Variants in KCNK2 observed in about 807,000 individuals in gnomAD.
KCNK2 encodes the protein potassium channel subfamily K member 2.
A neutral mutation model predicts 40.5 loss-of-function variants in KCNK2; 21 were observed. The ratio of observed to expected loss-of-function variants is 0.52; its 90% CI spans 0.37 to 0.75. The LOEUF is 0.75. Among genes scored for constraint, KCNK2 ranks in the 30% least tolerant of loss-of-function variants. The pLI, the probability that KCNK2 is intolerant of heterozygous loss-of-function variation, is 0.00. For missense variants in KCNK2, 399 were observed against 531.6 expected (o/e 0.75, Z 2.45); for synonymous variants, 191 against 202.2 (o/e 0.94, Z 0.47).
chr1:215,120,912 T>C (rs1224641695), intron 2 of KCNK2, among the ~76,000 whole-genome samples: 1 of 152,224 alleles, frequency 6.6e-6, no homozygotes, highest in Non-Finnish European at 1.5e-5. Flanking sequence ...GTTTTATGTC[T>C]TTTTTTGTTT....
intron 1 of KCNK2, among the ~76,000 whole-genome samples, chr1:215,018,095 A>G (rs1362644733): frequency 6.6e-6 from 1 of 152,196 alleles, no homozygotes; most frequent in Non-Finnish European, 1.5e-5. Flanking sequence ...GCATGTATGT[A>G]ATAATATGTA....
Position 215,095,292 on chromosome 1 carries a change from A to AC in KCNK2, c.357+8618dup, listed in dbSNP as rs1424800044. On this transcript the variant is annotated intron_variant, in intron 2 of 6. Coordinates refer to ENST00000444842, the MANE Select transcript of KCNK2 (RefSeq NM_001017425.3). Reference sequence around the variant, plus strand: ...CACCTTAACCAGATTCTTCCTTATGACCCCATCTCCAGTTCTTTCCTCTTA... The same window carrying AC: ...CACCTTAACCAGATTCTTCCTTATGACCCCCATCTCCAGTTCTTTCCTCTTA... Among the ~76,000 whole-genome samples the AC allele has an allele frequency of 3.3e-5, 5 of 152,162 alleles. No homozygotes were observed. The East Asian group carries it at 9.7e-4, about 29-fold the overall frequency.
chr1:215,233,689 G>C (rs1666765995), intron 6 of KCNK2, among the ~76,000 whole-genome samples: 1 of 152,184 alleles, frequency 6.6e-6, no homozygotes, highest in Non-Finnish European at 1.5e-5. Context: ...AAGCAAACGA[G>C]AGCCTGGGTC....
intron 6 of KCNK2, among the ~76,000 whole-genome samples, chr1:215,209,336 A>C (rs1665473354): frequency 1.0e-5 from 1 of 96,864 alleles, no homozygotes; most frequent in Non-Finnish European, 1.9e-5. Flanking sequence ...ATTTTTATAT[A>C]TATAATATAT....
At chr1:215,092,770 A>T (rs1312222900) in intron 2 of KCNK2, among the ~76,000 whole-genome samples, 1 of 152,212 alleles carries the variant, frequency 6.6e-6, no homozygotes, top group Non-Finnish European at 1.5e-5. Context: ...CACCAAGACC[A>T]GGTGCAAATC....
chr1:215,096,194 AG>A (rs1346978848), intron 2 of KCNK2, among the ~76,000 whole-genome samples: 2 of 151,912 alleles, frequency 1.3e-5, no homozygotes, highest in African/African-American at 2.4e-5. Flanking sequence ...GGATATACCA[AG>A]GTGTGTGTGT....
intron 1 of KCNK2, among the ~76,000 whole-genome samples, chr1:215,057,623 A>G (rs911599908): frequency 1.5e-4 from 23 of 152,120 alleles, no homozygotes; most frequent in Non-Finnish European, 3.2e-4. Flanking sequence ...ATAATAGAAA[A>G]TTCCATATTA....
At chr1:215,083,545 G>T (rs61818297) in intron 1 of KCNK2, 114 bp downstream of exon 1, 1 of 790,220 alleles carries the variant, frequency 1.3e-6, no homozygotes, top group Non-Finnish European at 2.2e-6. Flanking sequence ...TCCCATCTTC[G>T]CTTCGCGTCC....
At chr1:215,070,871 G>C (rs187285367) in intron 1 of KCNK2, among the ~76,000 whole-genome samples, 3 of 152,102 alleles carry the variant, frequency 2.0e-5, no homozygotes, top group Non-Finnish European at 4.4e-5. Context: ...ATGCAATTAC[G>C]ATCAAATGTA....
intron 6 of KCNK2, among the ~76,000 whole-genome samples, chr1:215,209,159 A>G (rs1472129910): frequency 6.8e-6 from 1 of 146,006 alleles, no homozygotes; most frequent in Non-Finnish European, 1.5e-5. Context: ...TATTTCTTTT[A>G]GTGAGGGCAT....
intron 1 of KCNK2, 117 bp from the exon 2 acceptor site, chr1:215,086,251 C>A: frequency 1.2e-6 from 1 of 800,452 alleles, no homozygotes; most frequent in Non-Finnish European, 2.0e-6. Flanking sequence ...GGTTCCAGAG[C>A]TTCCACTAGG....
At chr1:215,007,155 A>G (rs1295521688) in intron 1 of KCNK2, among the ~76,000 whole-genome samples, 13 of 124,934 alleles carry the variant, frequency 1.0e-4, no homozygotes, top group Admixed American at 2.6e-4. Flanking sequence ...GTATATATAT[A>G]TGTATGTATA....
chr1:215,182,749 A>G (rs1057270042), intron 5 of KCNK2, among the ~76,000 whole-genome samples: 12 of 152,178 alleles, frequency 7.9e-5, no homozygotes, highest in Non-Finnish European at 4.4e-5. Flanking sequence ...GGGTCACCAC[A>G]TAATTGTTGA....
chr1:215,098,720 G>T (rs188892566), intron 2 of KCNK2, among the ~76,000 whole-genome samples: 1 of 151,830 alleles, frequency 6.6e-6, no homozygotes, highest in African/African-American at 2.4e-5. Context: ...ATTTGTACAA[G>T]GAATCAATTA....
At chr1:215,027,810 T>A (rs1349100336) in intron 1 of KCNK2, among the ~76,000 whole-genome samples, 1 of 152,190 alleles carries the variant, frequency 6.6e-6, no homozygotes, top group African/African-American at 2.4e-5. Flanking sequence ...TATGAGAATA[T>A]CTGTTGGATC....
chr1:215,179,299 C>G (rs528427537), intron 5 of KCNK2, among the ~76,000 whole-genome samples: 1 of 151,996 alleles, frequency 6.6e-6, no homozygotes, highest in African/African-American at 2.4e-5. Context: ...TTCAAAGAAC[C>G]AACCTTTGGT....
At chr1:215,173,048 C>T (rs951670767) in intron 5 of KCNK2, among the ~76,000 whole-genome samples, 3 of 152,034 alleles carry the variant, frequency 2.0e-5, no homozygotes, top group African/African-American at 7.3e-5. Flanking sequence ...TACACATGTG[C>T]CATGTTGGTG....
At chr1:215,060,816 A>G (rs796930536) in intron 1 of KCNK2, among the ~76,000 whole-genome samples, 8 of 152,200 alleles carry the variant, frequency 5.3e-5, no homozygotes, top group African/African-American at 1.9e-4. Flanking sequence ...GTACATCATT[A>G]TAAAAATATG....
At chr1:215,013,921 G>T (rs1326440830) in intron 1 of KCNK2, among the ~76,000 whole-genome samples, 1 of 152,050 alleles carries the variant, frequency 6.6e-6, no homozygotes, top group Non-Finnish European at 1.5e-5. Flanking sequence ...TACTTACCTT[G>T]TTGAACTGGC....
Sources: allele counts gnomAD v4.1 joint callset (sites outside exome capture counted in the v4.1 genomes callset), GRCh38; gene constraint gnomAD v4.1.1; transcripts MANE v1.5; gene names NCBI Gene and HGNC (gene_info 2026-07-23, HGNC 2026-07-21).